Variants in MEIKIN observed in about 807,000 individuals in gnomAD.
The protein encoded by MEIKIN is meiotic kinetochore factor.
chr5:131,943,996 A>G (rs1279345445), intron 3 of MEIKIN, among the ~76,000 whole-genome samples: 1 of 151,630 alleles, frequency 6.6e-6, no homozygotes, highest in Non-Finnish European at 1.5e-5. Context: ...AATCACATCT[A>G]CTCAGGAGGT....
At chr5:131,869,298 G>T (rs1330959707) in intron 9 of MEIKIN, among the ~76,000 whole-genome samples, 1 of 152,084 alleles carries the variant, frequency 6.6e-6, no homozygotes, top group Non-Finnish European at 1.5e-5. Context: ...ATTTATATGG[G>T]TCTATTTCTG....
intron 9 of MEIKIN, among the ~76,000 whole-genome samples, chr5:131,877,222 A>G (rs887606369): frequency 4.6e-5 from 7 of 152,186 alleles, no homozygotes; most frequent in African/African-American, 1.7e-4. Flanking sequence ...AAAAGTAGGT[A>G]AAAACAAACA....
chr5:131,819,443 G>GGGGAGGGAGAGC (rs1561721712), intron 11 of MEIKIN, among the ~76,000 whole-genome samples: 1 of 50,524 alleles, frequency 2.0e-5, no homozygotes, highest in Non-Finnish European at 4.5e-5. Context: ...GGAGGGAGAG[G>GGGGAGGGAGAGC]AGGAGGGACA....
At chr5:131,810,361 G>A (rs1188798511) in intron 12 of MEIKIN, among the ~76,000 whole-genome samples, 1 of 152,158 alleles carries the variant, frequency 6.6e-6, no homozygotes, top group Non-Finnish European at 1.5e-5. Context: ...TATAAGGATA[G>A]CTGCAGGTTT....
chr5:131,940,733 T>A (rs1384831241), intron 4 of MEIKIN, among the ~76,000 whole-genome samples: 1 of 152,176 alleles, frequency 6.6e-6, no homozygotes, highest in Non-Finnish European at 1.5e-5. Flanking sequence ...TTTTAGGTAC[T>A]GTAGGTGACA....
chr5:131,860,719 TTACAGGC>T (rs1181596051), intron 9 of MEIKIN, among the ~76,000 whole-genome samples: 1 of 151,272 alleles, frequency 6.6e-6, no homozygotes, highest in Non-Finnish European at 1.5e-5. Context: ...AGTGCTGGGA[TTACAGGC>T]GTGAGCCACC....
intron 11 of MEIKIN, among the ~76,000 whole-genome samples, chr5:131,842,262 G>C (rs1343960416): frequency 6.6e-6 from 1 of 152,102 alleles, no homozygotes; most frequent in African/African-American, 2.4e-5. Flanking sequence ...ACCTTGCCTG[G>C]CCAACTTCTT....
intron 9 of MEIKIN, among the ~76,000 whole-genome samples, chr5:131,869,883 G>C (rs769176925): frequency 1.3e-5 from 2 of 152,176 alleles, no homozygotes; most frequent in Admixed American, 6.5e-5. Flanking sequence ...GTATCCTCCT[G>C]TCTGTCTCTT....
chr5:131,885,992 T>A (rs1243539773), intron 8 of MEIKIN, among the ~76,000 whole-genome samples: 1 of 152,092 alleles, frequency 6.6e-6, no homozygotes, highest in Non-Finnish European at 1.5e-5. Context: ...AATAAGAAAT[T>A]CTGGAGTTGA....
At chr5:131,893,293 G>T (rs1405463897) in intron 8 of MEIKIN, among the ~76,000 whole-genome samples, 1 of 152,180 alleles carries the variant, frequency 6.6e-6, no homozygotes, top group Non-Finnish European at 1.5e-5. Context: ...GGGAATGGTG[G>T]GCGCCCCTCC....
At chr5:131,890,577 T>A (rs960519591) in intron 8 of MEIKIN, among the ~76,000 whole-genome samples, 4 of 152,238 alleles carry the variant, frequency 2.6e-5, no homozygotes, top group African/African-American at 9.6e-5. Context: ...CTTTGTCATT[T>A]TTTATTGCGT....
rs140406997 is a variant in MEIKIN, at chr5:131,870,716, G to A, written c.774+8262C>T. On this transcript the variant is annotated intron_variant, in intron 9 of 12. Coordinates refer to ENST00000442687, the MANE Select transcript of MEIKIN (RefSeq NM_001303622.2). ...ATTCCTTCATCATTTGTATCCTATCGATCAACTCTACAGGCAAAATTATCT... is the reference window on the plus strand; with the variant it reads ...ATTCCTTCATCATTTGTATCCTATCAATCAACTCTACAGGCAAAATTATCT... 4.6e-3 allele frequency among the ~76,000 whole-genome samples: 700 copies of A among 151,992 alleles called. 12 individuals carry two copies. The highest frequency in any genetic ancestry group is 0.016 in the African/African-American group (677 of 41,436).
intron 11 of MEIKIN, among the ~76,000 whole-genome samples, chr5:131,824,890 A>G (rs143441744): frequency 5.9e-5 from 9 of 152,306 alleles, no homozygotes; most frequent in Admixed American, 2.6e-4. Flanking sequence ...AACAGCAAAC[A>G]AAATTAATAA....
chr5:131,826,118 G>A, intron 11 of MEIKIN, among the ~76,000 whole-genome samples: 1 of 137,234 alleles, frequency 7.3e-6, no homozygotes, highest in Non-Finnish European at 1.5e-5. Context: ...CTAGAGATGG[G>A]ATCTCGCTAT....
At position 131,937,612 on chromosome 5, in the gene MEIKIN, A is replaced by T. The variant is rs977116184; in HGVS notation, c.350-3971T>A. The stretch of plus-strand genomic sequence containing the variant: ...TACCTTCTTGGTGTGTGGATGGCAT[A>T]ATCAGTGTTGACATCCAGGACAACT... On this transcript the variant is annotated intron_variant, in intron 4 of 12. Transcript: ENST00000442687. Among the ~76,000 whole-genome samples, 53 of 151,946 alleles carry T rather than the reference A, an allele frequency of 3.5e-4. 1 individual carries two copies. Among genetic ancestry groups the T allele is most frequent in the Admixed American group, 1.8e-3 (27 of 15,250 alleles).
chr5:131,922,725 A>C (rs1357896163), intron 5 of MEIKIN, among the ~76,000 whole-genome samples: 1 of 152,122 alleles, frequency 6.6e-6, no homozygotes, highest in Non-Finnish European at 1.5e-5. Context: ...TACCTCTCCC[A>C]TCGTTCCCAT....
At chr5:131,901,006 C>T (rs1416297206) in intron 8 of MEIKIN, among the ~76,000 whole-genome samples, 2 of 152,194 alleles carry the variant, frequency 1.3e-5, no homozygotes, top group Non-Finnish European at 2.9e-5. Context: ...CACCCACTCA[C>T]CCACCATGCT....
At chr5:131,865,226 T>C (rs1294661732) in intron 9 of MEIKIN, among the ~76,000 whole-genome samples, 2 of 7,598 alleles carry the variant, frequency 2.6e-4, no homozygotes, top group Non-Finnish European at 7.9e-4. Flanking sequence ...ATTTTGTGAT[T>C]TTTTTTTTTT....
intron 11 of MEIKIN, among the ~76,000 whole-genome samples, chr5:131,820,070 C>T (rs1243944007): frequency 6.4e-5 from 6 of 93,964 alleles, no homozygotes; most frequent in Admixed American, 1.3e-4. Flanking sequence ...CCACCGCGCC[C>T]GGCCTTTTTT....
Sources: allele counts gnomAD v4.1 joint callset (sites outside exome capture counted in the v4.1 genomes callset), GRCh38; gene constraint gnomAD v4.1.1; transcripts MANE v1.5; gene names NCBI Gene and HGNC (gene_info 2026-07-23, HGNC 2026-07-21).